The following ARHGEF1 variants were observed in gnomAD, a reference collection of about 807,000 sequenced individuals.
ARHGEF1 encodes the protein 115 kDa guanine nucleotide exchange factor.
Under a neutral mutation model 119.7 loss-of-function variants are expected in ARHGEF1, and 40 were observed. The observed-to-expected ratio is 0.33, with a 90% CI of 0.26 to 0.44. The LOEUF is 0.44. ARHGEF1 is among the 20% of genes least tolerant of loss of function. The probability of loss-of-function intolerance (pLI) is 1.00; values close to 1 mark genes in which losing one functional copy is unlikely to be tolerated. For missense variants in ARHGEF1, 976 were observed against 1,268.3 expected (o/e 0.77, Z 3.50); for synonymous variants, 494 against 521.0 (o/e 0.95, Z 0.71).
rs1160296979 is a variant in ARHGEF1, at chr19:41,913,423, G to T, written c.1865+6620G>T. Among the ~76,000 whole-genome samples the T allele has an allele frequency of 1.3e-5, 2 of 151,658 alleles. 1 individual carries two copies. The highest frequency in any genetic ancestry group is 4.2e-4 in the South Asian group (2 of 4,790). On this transcript the variant is annotated intron_variant, in intron 18 of 20. Transcript: ENST00000599589. The stretch of plus-strand genomic sequence containing the variant: ...CCAGATTTATCTTGTTCTATAACTT[G>T]CCCCCACACCCGCCCCACCCGGACG...
upstream of ARHGEF1, among the ~76,000 whole-genome samples, chr19:41,920,001 TGAC>T (rs1354797604): frequency 8.1e-6 from 1 of 123,302 alleles, no homozygotes; most frequent in Non-Finnish European, 1.7e-5. Flanking sequence ...CACCCAGACA[TGAC>T]GAACTCACAG....
chr19:41,923,048 G>A (rs572255780), upstream of ARHGEF1: 11 of 424,048 alleles, frequency 2.6e-5, no homozygotes, highest in East Asian at 7.1e-5. Flanking sequence ...CCCACAGAGG[G>A]AAGTTCAGCG....
intron 14 of ARHGEF1, chr19:41,901,014 C>A (rs1177456122): frequency 6.6e-6 from 1 of 151,714 alleles, no homozygotes; most frequent in Non-Finnish European, 1.5e-5. Context: ...TGGTCTTGAT[C>A]TCTTGACCTC....
chr19:41,888,853 G>A lies in ARHGEF1; in HGVS notation c.213G>A (p.Glu71=). Reference sequence around the variant, plus strand: ...TGCAGCACGTGGCCCTGCAGTTTGAGCCAGGACCCCTGGTGAGGGCAGGGC... The same window carrying A: ...TGCAGCACGTGGCCCTGCAGTTTGAACCAGGACCCCTGGTGAGGGCAGGGC... ...ALLQHVALQF[E]PGPLLCCLHA... The change falls in exon 4 of 29, where the codon GAG becomes GAA. Residue 71 remains glutamate, a synonymous_variant. Coordinates refer to ENST00000354532, the MANE Select transcript of ARHGEF1 (RefSeq NM_004706.4). The surrounding 1 kb of genome is among the most constrained non-coding windows in gnomAD (Gnocchi z 5.1). 6.2e-7 allele frequency: 1 copy of A among 1,613,836 alleles called. No individual in the cohort carries two copies.
intron 1 of ARHGEF1, chr19:41,927,932 GAGGCCCAGCTTCTC>G (rs1213628880): frequency 3.0e-4 from 46 of 151,552 alleles, no homozygotes; most frequent in African/African-American, 1.1e-3. Flanking sequence ...CACCGGCTCG[GAGGCCCAGCTTCTC>G]AGGCCTCCCG....
intron 18 of ARHGEF1, among the ~76,000 whole-genome samples, chr19:41,913,797 C>T: frequency 6.6e-6 from 1 of 150,818 alleles, no homozygotes; most frequent in South Asian, 2.1e-4. Context: ...ATGGCGCCTC[C>T]CCTCCACACA....
chr19:41,911,474 C>T (rs1281332455), downstream of ARHGEF1, among the ~76,000 whole-genome samples: 1 of 152,230 alleles, frequency 6.6e-6, no homozygotes, highest in African/African-American at 2.4e-5. Flanking sequence ...GGTCCTTACC[C>T]TCTCTGGTTT....
In ARHGEF1 at chr19:41,888,698, C is replaced by T; in HGVS notation, c.112-54C>T. 1 of 1,540,504 alleles carries T rather than the reference C, an allele frequency of 6.5e-7. No homozygotes were observed. Among genetic ancestry groups the T allele is most frequent in the Non-Finnish European group, 9.0e-7 (1 of 1,115,112 alleles). On this transcript the variant is annotated intron_variant, in intron 3 of 28. Transcript: ENST00000354532. The surrounding 1 kb of genome is among the most constrained non-coding windows in gnomAD (Gnocchi z 5.1). ...AAGTGCCAGGAATGGGTAGGGTCAA[C>T]CCTAAGGCCCCTCCTCTTCTCCCCA...
In ARHGEF1 at chr19:41,916,267, A is replaced by G. The variant is rs1188323628; in HGVS notation, c.1866-6825A>G. 7.4e-6 allele frequency among the ~76,000 whole-genome samples: 1 copy of G among 134,448 alleles called. No homozygotes were observed. Among genetic ancestry groups the G allele is most frequent in the Non-Finnish European group, 1.5e-5 (1 of 67,612 alleles). The allele number at this position is 134,448 out of a possible 152,430, so 88.2% of individuals were successfully genotyped here. On this transcript the variant is annotated intron_variant, in intron 18 of 20. Coordinates refer to the ARHGEF1 transcript ENST00000599589. The surrounding 1 kb of genome is among the most constrained non-coding windows in gnomAD (Gnocchi z 5.4). ...ACCATCACATACCACACACTGCATG[A>G]GCCCACATGTCAACAAAGTCACACA...
rs1055695023 is a variant in ARHGEF1 at position 41,906,431 on chromosome 19, C to A, written c.2492-26C>A. The stretch of plus-strand genomic sequence containing the variant: ...CCAGCCCAGCCCCCTGGTCTCCTGA[C>A]TCCACCCCTCCTTGCCCCTGGCCAG... On this transcript the variant is annotated intron_variant, in intron 26 of 28. Coordinates refer to ENST00000354532, the MANE Select transcript of ARHGEF1 (RefSeq NM_004706.4). This position sits in a 1 kb window ranked among gnomAD's most constrained non-coding sequence, Gnocchi z 4.5. 1 of 1,532,172 alleles carries A rather than the reference C, an allele frequency of 6.5e-7. No individual in the cohort carries two copies. Among genetic ancestry groups the A allele is most frequent in the Non-Finnish European group, 8.7e-7 (1 of 1,144,654 alleles). The allele number at this position is 1,532,172 out of a possible 1,614,324, so 94.9% of individuals were successfully genotyped here. A position where few individuals can be genotyped will look rare whatever the true frequency, so the allele number is the denominator to read the frequency against.
At chr19:41,897,520 G>A (rs1555848100) in intron 13 of ARHGEF1, 3 of 257,416 alleles carry the variant, frequency 1.2e-5, no homozygotes, top group African/African-American at 9.3e-5. Context: ...CCATCCCCCT[G>A]CCTCAGGGAA....
chr19:41,905,833 A>G lies in ARHGEF1; in HGVS notation c.2404+6A>G. On this transcript the variant is annotated splice_donor_region_variant and intron_variant, in intron 25 of 28. Transcript: ENST00000354532. The surrounding 1 kb of genome is among the most constrained non-coding windows in gnomAD (Gnocchi z 6.4). ...AGAGACGTCTCCAGCTGATGGTGAG[A>G]CCAGAGGGATGCTGGGTGAGGGGCC... The G allele has an allele frequency of 6.2e-7, 1 of 1,614,090 alleles. No individual in the cohort carries two copies. Among genetic ancestry groups the G allele is most frequent in the Non-Finnish European group, 8.5e-7 (1 of 1,179,992 alleles).
intron 9 of ARHGEF1, 55 bp from the exon 10 acceptor site, chr19:41,894,396 C>T (rs1555847059): frequency 2.0e-6 from 3 of 1,524,052 alleles, no homozygotes; most frequent in Non-Finnish European, 2.6e-6. Flanking sequence ...TCAAATTCTG[C>T]TTTGTTGTTG....
rs1273442099 is a variant in ARHGEF1 at position 41,888,982 on chromosome 19, A to G, written c.225+117A>G. The G allele has an allele frequency of 3.7e-6, 3 of 802,114 alleles. No homozygotes were observed. The highest frequency in any genetic ancestry group is 5.6e-5 in the Admixed American group (2 of 35,758). The allele number at this position is 802,114 out of a possible 1,614,324, so 49.7% of individuals were successfully genotyped here. A position where few individuals can be genotyped will look rare whatever the true frequency, so the allele number is the denominator to read the frequency against. On this transcript the variant is annotated intron_variant, in intron 4 of 28. Transcript: ENST00000354532. This position sits in a 1 kb window ranked among gnomAD's most constrained non-coding sequence, Gnocchi z 5.1. Reference sequence around the variant, plus strand: ...GTCTGGAAAAGCAGATCTAGAACACAGAGAGCCAGATCTAGAAAGAGAGAA... The same window carrying G: ...GTCTGGAAAAGCAGATCTAGAACACGGAGAGCCAGATCTAGAAAGAGAGAA...
downstream of ARHGEF1, chr19:41,907,548 C>T (rs1599669134): frequency 4.1e-6 from 3 of 725,942 alleles, no homozygotes; most frequent in Non-Finnish European, 6.5e-6. Context: ...GCCTCTGCGC[C>T]TCCCTCCAGT....
chr19:41,914,608 C>G (rs540207776), intron 18 of ARHGEF1, among the ~76,000 whole-genome samples: 2 of 55,560 alleles, frequency 3.6e-5, no homozygotes, highest in East Asian at 4.5e-4. Flanking sequence ...CTCTGTCTCT[C>G]CCTCCCCTTC....
intron 1 of ARHGEF1, chr19:41,928,714 C>T (rs2074887591): frequency 9.6e-6 from 3 of 313,986 alleles, no homozygotes; most frequent in Non-Finnish European, 6.1e-6. Context: ...AATCGCGACT[C>T]TAAATAAGGT....
At position 41,888,160 on chromosome 19, in the gene ARHGEF1, C is replaced by T. The variant is rs1399303197; in HGVS notation, c.25-32C>T. On this transcript the variant is annotated intron_variant, in intron 2 of 28. Coordinates refer to ENST00000354532, the MANE Select transcript of ARHGEF1 (RefSeq NM_004706.4). The surrounding 1 kb of genome is among the most constrained non-coding windows in gnomAD (Gnocchi z 5.1). Reference sequence around the variant, plus strand: ...ACTCTGGGGCTGTGGGTGGAGAGTCCTGTGGACTGAAGCTGCCCTCCCTTT... The same window carrying T: ...ACTCTGGGGCTGTGGGTGGAGAGTCTTGTGGACTGAAGCTGCCCTCCCTTT... 2 of 1,614,040 alleles carry T rather than the reference C, an allele frequency of 1.2e-6. No homozygotes were observed. The highest frequency in any genetic ancestry group is 1.7e-6 in the Non-Finnish European group (2 of 1,179,942).
intron 14 of ARHGEF1, among the ~76,000 whole-genome samples, chr19:41,898,824 G>C (rs2074554562): frequency 6.6e-6 from 1 of 152,228 alleles, no homozygotes; most frequent in Non-Finnish European, 1.5e-5. Flanking sequence ...GTGCAATACA[G>C]TGCTGATGTT....
Sources: allele counts gnomAD v4.1 joint callset (sites outside exome capture counted in the v4.1 genomes callset), GRCh38; gene constraint gnomAD v4.1.1; non-coding constraint Gnocchi (gnomAD v3.1); transcripts MANE v1.5; gene names NCBI Gene and HGNC (gene_info 2026-07-23, HGNC 2026-07-21).